The following DYM variants were observed in gnomAD, a reference collection of about 807,000 sequenced individuals.
DYM encodes dyggve-Melchior-Clausen syndrome protein.
In DYM, 78 loss-of-function variants were observed where a neutral mutation model predicts 93.1. The ratio of observed to expected loss-of-function variants is 0.84; its 90% confidence interval spans 0.70 to 1.01. The LOEUF (loss-of-function observed/expected upper bound fraction) is 1.01, where lower values mean the gene tolerates loss of function less well. DYM is among the 50% of genes least tolerant of loss of function. The probability of loss-of-function intolerance (pLI) is 0.00; values close to 1 mark genes in which losing one functional copy is unlikely to be tolerated. For synonymous variants in DYM, 321 were observed against 319.7 expected (o/e 1.00, Z -0.04); for missense variants, 789 against 845.0 (o/e 0.93, Z 0.82).
intron 17 of DYM, among the ~76,000 whole-genome samples, chr18:49,054,771 A>C (rs938688590): frequency 6.6e-6 from 1 of 152,168 alleles, no homozygotes; most frequent in Non-Finnish European, 1.5e-5. Flanking sequence ...GTTGGCAGAC[A>C]CGGATCCTGA....
chr18:49,161,339 T>C (rs879911519), intron 15 of DYM, among the ~76,000 whole-genome samples: 24 of 152,230 alleles, frequency 1.6e-4, no homozygotes, highest in Admixed American at 3.9e-4. Flanking sequence ...ACCTATTTCC[T>C]CAAATATTAA....
intron 2 of DYM, among the ~76,000 whole-genome samples, chr18:49,414,940 T>C (rs1302484888): frequency 6.6e-6 from 1 of 152,170 alleles, no homozygotes; most frequent in East Asian, 1.9e-4. Context: ...CCCTAGCAAC[T>C]AGAAGACATT....
intron 14 of DYM, among the ~76,000 whole-genome samples, chr18:49,185,587 T>C (rs1378799426): frequency 7.9e-5 from 12 of 152,252 alleles, no homozygotes; most frequent in Admixed American, 7.9e-4. Context: ...TTAAAGTATT[T>C]ATCTTTAAAT....
chr18:49,087,532 T>C (rs770996755), intron 17 of DYM, among the ~76,000 whole-genome samples: 7 of 152,252 alleles, frequency 4.6e-5, no homozygotes, highest in Non-Finnish European at 7.3e-5. Flanking sequence ...TAGCCAAAAG[T>C]AAATATGACA....
chr18:49,102,589 C>G (rs991078463), intron 16 of DYM, among the ~76,000 whole-genome samples: 2 of 152,086 alleles, frequency 1.3e-5, no homozygotes, highest in Non-Finnish European at 2.9e-5. Flanking sequence ...ACAACAGGCC[C>G]CAGTGTGTGA....
chr18:49,321,434 T>C, intron 8 of DYM: 1 of 397,988 alleles, frequency 2.5e-6, no homozygotes, highest in Non-Finnish European at 4.4e-6. Context: ...AAGCCAATCC[T>C]GGGAACTGGT....
chr18:49,231,404 T>C (rs1302538936), intron 13 of DYM, among the ~76,000 whole-genome samples: 2 of 152,156 alleles, frequency 1.3e-5, no homozygotes. Context: ...AAATGATTGC[T>C]TTAAAGTAAA....
rs186484690 is a variant in DYM, at chr18:49,272,925, A to G, written c.1126-622T>C. On this transcript the variant is annotated intron_variant, in intron 10 of 17. Coordinates refer to ENST00000675505, the MANE Select transcript of DYM (RefSeq NM_001353214.3). Reference sequence around the variant, plus strand: ...TCACTAAAGTAAGGAGGTTACTGAAATTATTTATTAAAGATGGGCAGACTA... The same window carrying G: ...TCACTAAAGTAAGGAGGTTACTGAAGTTATTTATTAAAGATGGGCAGACTA... 5.3e-5 allele frequency among the ~76,000 whole-genome samples: 8 copies of G among 152,218 alleles called. No individual in the cohort carries two copies. The East Asian group carries it at 1.5e-3, about 29-fold the overall frequency.
At chr18:49,349,282 G>A (rs1433335401) in intron 6 of DYM, among the ~76,000 whole-genome samples, 2 of 152,052 alleles carry the variant, frequency 1.3e-5, no homozygotes, top group Non-Finnish European at 1.5e-5. Context: ...ATACTATACT[G>A]TATATGCAAA....
intron 13 of DYM, among the ~76,000 whole-genome samples, chr18:49,233,206 C>T (rs1264972819): frequency 3.3e-5 from 5 of 151,594 alleles, no homozygotes; most frequent in Non-Finnish European, 7.4e-5. Context: ...ACTAAAAATA[C>T]TAAAATTAGC....
At chr18:49,064,612 T>C (rs2076246760) in intron 17 of DYM, among the ~76,000 whole-genome samples, 1 of 152,132 alleles carries the variant, frequency 6.6e-6, no homozygotes, top group Non-Finnish European at 1.5e-5. Context: ...CAAAACTAGC[T>C]AGACTGATGC....
chr18:49,217,364 G>T (rs952390343), intron 13 of DYM, among the ~76,000 whole-genome samples: 1 of 152,148 alleles, frequency 6.6e-6, no homozygotes, highest in Non-Finnish European at 1.5e-5. Context: ...CCCCAATCTA[G>T]CAAGGCAGGC....
At chr18:49,280,724 A>C (rs1462004104) in intron 10 of DYM, among the ~76,000 whole-genome samples, 1 of 152,216 alleles carries the variant, frequency 6.6e-6, no homozygotes, top group Non-Finnish European at 1.5e-5. Flanking sequence ...TCTCCCTATC[A>C]ATTCTTGACC....
intron 16 of DYM, chr18:49,116,334 T>C (rs1242555521): frequency 6.6e-6 from 1 of 152,184 alleles, no homozygotes. Flanking sequence ...CAATTTCTCA[T>C]GTAAAAGGGG....
At position 49,300,328 on chromosome 18, in the gene DYM, C is replaced by T. The variant is rs1200844568; in HGVS notation, c.764-13712G>A. On this transcript the variant is annotated intron_variant, in intron 8 of 17. Transcript: ENST00000675505. ...AGTTTTTACATAGTAGGCCGGGTGC[C>T]ATGGCTCACTCCTGTAATCCTAGCA... Among the ~76,000 whole-genome samples, 3 of 151,672 alleles carry T rather than the reference C, an allele frequency of 2.0e-5. No individual in the cohort carries two copies. In the East Asian group the frequency reaches 5.9e-4, roughly 30 times the overall value.
At chr18:49,196,942 G>C (rs7235020) in intron 14 of DYM, among the ~76,000 whole-genome samples, 151,588 of 152,278 alleles carry the variant, frequency 1, 75,459 homozygotes, top group Middle Eastern at 1. Context: ...AAAAAAAGTA[G>C]AGATTTGATT....
chr18:49,103,670 T>A (rs2080438201), intron 16 of DYM, among the ~76,000 whole-genome samples: 1 of 152,208 alleles, frequency 6.6e-6, no homozygotes, highest in Admixed American at 6.5e-5. Flanking sequence ...AAATAGGGAA[T>A]CCTTTCCCCA....
intron 8 of DYM, among the ~76,000 whole-genome samples, chr18:49,316,302 T>C (rs1016887885): frequency 1.3e-5 from 2 of 152,022 alleles, no homozygotes; most frequent in African/African-American, 4.8e-5. Context: ...AAAAAAATCA[T>C]GAATACTTTT....
At chr18:49,330,137 A>G (rs1225395052) in intron 8 of DYM, among the ~76,000 whole-genome samples, 1 of 152,252 alleles carries the variant, frequency 6.6e-6, no homozygotes, top group African/African-American at 2.4e-5. Flanking sequence ...TCATGAAATA[A>G]TGAATCCATA....
Sources: allele counts gnomAD v4.1 joint callset (sites outside exome capture counted in the v4.1 genomes callset), GRCh38; gene constraint gnomAD v4.1.1; transcripts MANE v1.5; gene names NCBI Gene and HGNC (gene_info 2026-07-23, HGNC 2026-07-21).